PRDM2: variants seen among roughly 807,000 people sequenced by gnomAD.
The protein encoded by PRDM2 is PR domain zinc finger protein 2.
PRDM2 carries 30 observed loss-of-function variants against 130.0 expected under a neutral mutation model. The observed-to-expected ratio is 0.23, with a 90% CI of 0.17 to 0.31. PRDM2 has a LOEUF of 0.31. Ranked by LOEUF, PRDM2 falls within the 10% of genes least tolerant of loss-of-function variation. PRDM2 has a pLI of 1.00. For missense variants in PRDM2, 2,011 were observed against 2,108.4 expected (o/e 0.95, Z 0.90); for synonymous variants, 871 against 782.4 (o/e 1.11, Z -1.89).
intron 8 of PRDM2, chr1:13,787,514 A>C: frequency 1.0e-6 from 1 of 983,956 alleles, no homozygotes; most frequent in East Asian, 1.1e-4. Flanking sequence ...AAAAATTTGT[A>C]GTTTAATATT....
At chr1:13,764,244 G>A (rs1442249213) in intron 6 of PRDM2, among the ~76,000 whole-genome samples, 1 of 152,002 alleles carries the variant, frequency 6.6e-6, no homozygotes, top group East Asian at 1.9e-4. Context: ...AGCCACGGGG[G>A]GCTGAGTCCA....
intron 7 of PRDM2, among the ~76,000 whole-genome samples, chr1:13,773,959 A>G (rs540520948): frequency 1.3e-5 from 2 of 152,342 alleles, no homozygotes; most frequent in East Asian, 1.9e-4. Flanking sequence ...CAAATTAAGC[A>G]TTTACTTACA....
intron 6 of PRDM2, chr1:13,769,048 G>C: frequency 1.3e-6 from 1 of 771,400 alleles, no homozygotes; most frequent in Non-Finnish European, 1.6e-6. Flanking sequence ...GTGTTGTCCT[G>C]TCCCTCTGCT....
At chr1:13,783,678 A>G (rs1010692628) in intron 8 of PRDM2, among the ~76,000 whole-genome samples, 3 of 152,222 alleles carry the variant, frequency 2.0e-5, no homozygotes, top group Non-Finnish European at 4.4e-5. Context: ...AATTTGTTAC[A>G]TTGGATTCTC....
At position 13,779,151 on chromosome 1, in the gene PRDM2, G is replaced by T. The variant is rs1644548278; in HGVS notation, c.1356G>T (p.Gly452=). The change falls in exon 8 of 10, where the codon GGG becomes GGT. Residue 452 remains glycine (G), a synonymous_variant. Coordinates refer to ENST00000311066, the MANE Select transcript of PRDM2 (RefSeq NM_001393986.1). The surrounding 1 kb of genome is among the most constrained non-coding windows in gnomAD (Gnocchi z 4.9). ...SKDDSSPPSL[G]PDCLIMNSEK... is the part of the protein sequence containing the mutation. ...ATGATTCGAGTCCTCCCAGTCTTGG[G>T]CCAGACTGTCTGATCATGAATTCAG... 6.2e-7 allele frequency: 1 copy of T among 1,614,178 alleles called. No homozygotes were observed. The highest frequency in any genetic ancestry group is 8.5e-7 in the Non-Finnish European group (1 of 1,180,036).
intron 5 of PRDM2, among the ~76,000 whole-genome samples, chr1:13,745,931 T>C (rs1643590742): frequency 6.6e-6 from 1 of 152,106 alleles, no homozygotes; most frequent in Admixed American, 6.5e-5. Context: ...CGTAGGTGGG[T>C]ATGAGTGGAT....
chr1:13,753,774 AAG>A (rs1643889318), intron 6 of PRDM2, among the ~76,000 whole-genome samples: 1 of 152,042 alleles, frequency 6.6e-6, no homozygotes, highest in East Asian at 1.9e-4. Context: ...GATGTTTCAG[AAG>A]AGAGAGAGGA....
chr1:13,788,028 A>G, intron 8 of PRDM2: 1 of 981,160 alleles, frequency 1.0e-6, no homozygotes, highest in East Asian at 1.1e-4. Flanking sequence ...CTAGAGGAGA[A>G]TTTAAACAAT....
intron 6 of PRDM2, among the ~76,000 whole-genome samples, chr1:13,761,303 G>T (rs1441985845): frequency 6.6e-6 from 1 of 152,194 alleles, no homozygotes; most frequent in Non-Finnish European, 1.5e-5. Flanking sequence ...GAAAGTAATT[G>T]TGTGGGAGCA....
At chr1:13,758,273 G>A (rs1281369213) in intron 6 of PRDM2, among the ~76,000 whole-genome samples, 3 of 151,694 alleles carry the variant, frequency 2.0e-5, no homozygotes, top group Non-Finnish European at 2.9e-5. Flanking sequence ...GTAAAACCCC[G>A]TCTCTACTAA....
chr1:13,716,771 C>T lies in PRDM2; in HGVS notation c.9+1157C>T, dbSNP rs185633660. Among the ~76,000 whole-genome samples the T allele has an allele frequency of 5.3e-5, 8 of 152,188 alleles. No homozygotes were observed. The East Asian group carries it at 1.4e-3, about 26-fold the overall frequency. On this transcript the variant is annotated intron_variant, in intron 2 of 9. Coordinates refer to ENST00000311066, the MANE Select transcript of PRDM2 (RefSeq NM_001393986.1). Reference sequence around the variant, plus strand: ...CATCTCTCTTGTAGTTACAGAAATACGTGGGTGTCAGAAATGTTTTCTTTT... The same window carrying T: ...CATCTCTCTTGTAGTTACAGAAATATGTGGGTGTCAGAAATGTTTTCTTTT...
In PRDM2 at chr1:13,773,194, C is replaced by T; in HGVS notation, c.622+6C>T. ...TATGAGAGATTCTGCAGAAGGTAAG[C>T]TTGTGATATTGGCTTGGTCTGAATT... On this transcript the variant is annotated splice_donor_region_variant and intron_variant, in intron 7 of 9. Coordinates refer to ENST00000311066, the MANE Select transcript of PRDM2 (RefSeq NM_001393986.1). 5.9e-6 allele frequency: 9 copies of T among 1,514,136 alleles called. No homozygotes were observed. Among genetic ancestry groups the T allele is most frequent in the Middle Eastern group, 1.7e-4 (1 of 5,812 alleles). The allele number at this position is 1,514,136 out of a possible 1,614,324, so 93.8% of individuals were successfully genotyped here.
At chr1:13,702,049 A>G (rs1238833075) in intron 1 of PRDM2, among the ~76,000 whole-genome samples, 1 of 152,228 alleles carries the variant, frequency 6.6e-6, no homozygotes. Flanking sequence ...AGAAAAGCAC[A>G]AAGAAGAAAC....
At chr1:13,750,140 G>T (rs1643775286) in intron 6 of PRDM2, among the ~76,000 whole-genome samples, 1 of 152,154 alleles carries the variant, frequency 6.6e-6, no homozygotes, top group African/African-American at 2.4e-5. Context: ...GACTTCTGAT[G>T]ATTTCGAACA....
intron 8 of PRDM2, among the ~76,000 whole-genome samples, chr1:13,814,257 G>A (rs1260310166): frequency 6.6e-6 from 1 of 152,194 alleles, no homozygotes; most frequent in Non-Finnish European, 1.5e-5. Flanking sequence ...ACAGTTGTAT[G>A]AAGCATGGGT....
At chr1:13,748,774 G>T (rs1454424825) in intron 5 of PRDM2, among the ~76,000 whole-genome samples, 2 of 152,192 alleles carry the variant, frequency 1.3e-5, no homozygotes, top group Non-Finnish European at 2.9e-5. Context: ...TTTGATGTCC[G>T]GTCCGAAGGG....
chr1:13,780,145 T>C lies in PRDM2; in HGVS notation c.2350T>C (p.Trp784Arg). ...AGAAAGTCACAGCGACTCACCAGCA[T>C]GGAGTTTGTCTGGGAGAGATGAGAG... is the stretch of plus-strand genomic sequence containing the variant. ...KLESHSDSPA[W>R]SLSGRDERET... Residue 784 changes from tryptophan (W) to arginine (R), a missense_variant, in exon 8 of 10, where the codon TGG becomes CGG. Physicochemically the swap from Trp to Arg is moderately radical, Grantham distance 101 (BLOSUM62 -3). Coordinates refer to ENST00000311066, the MANE Select transcript of PRDM2 (RefSeq NM_001393986.1). 6.2e-7 allele frequency: 1 copy of C among 1,608,694 alleles called. No individual in the cohort carries two copies. Among genetic ancestry groups the C allele is most frequent in the Non-Finnish European group, 8.5e-7 (1 of 1,176,470 alleles).
At chr1:13,739,747 G>A (rs1291571651) in intron 4 of PRDM2, among the ~76,000 whole-genome samples, 2 of 152,106 alleles carry the variant, frequency 1.3e-5, no homozygotes, top group African/African-American at 4.8e-5. Flanking sequence ...GTGCTGGTTA[G>A]TCTGTGTATA....
intron 8 of PRDM2, among the ~76,000 whole-genome samples, chr1:13,813,759 A>G (rs1382857875): frequency 3.3e-5 from 5 of 151,856 alleles, no homozygotes; most frequent in Non-Finnish European, 1.5e-5. Flanking sequence ...CCCCCGACCT[A>G]CTCGTTCCAC....
Sources: allele counts gnomAD v4.1 joint callset (sites outside exome capture counted in the v4.1 genomes callset), GRCh38; gene constraint gnomAD v4.1.1; non-coding constraint Gnocchi (gnomAD v3.1); transcripts MANE v1.5; gene names NCBI Gene and HGNC (gene_info 2026-07-23, HGNC 2026-07-21).